SCUBE2: variants seen among roughly 807,000 people sequenced by gnomAD.
SCUBE2 encodes signal peptide, CUB and EGF-like domain-containing protein 2.
SCUBE2 carries 114 observed loss-of-function variants against 125.9 expected under a neutral mutation model. The observed-to-expected ratio is 0.91, with a 90% CI of 0.78 to 1.06. The LOEUF (loss-of-function observed/expected upper bound fraction) is 1.06, where lower values mean the gene tolerates loss of function less well. Ranked by LOEUF, SCUBE2 falls within the 50% of genes least tolerant of loss-of-function variation. The probability of loss-of-function intolerance (pLI) is 0.00; values close to 1 mark genes in which losing one functional copy is unlikely to be tolerated. For missense variants in SCUBE2, 1,255 were observed against 1,301.8 expected, an observed-to-expected ratio of 0.96 and a Z score of 0.55; for synonymous variants, 459 against 492.9, an observed-to-expected ratio of 0.93 and a Z score of 0.91.
In SCUBE2 at chr11:9,066,701, G is replaced by T; in HGVS notation, c.756C>A (p.Cys252Ter). 6.2e-7 allele frequency: 1 copy of T among 1,613,754 alleles called. No individual in the cohort carries two copies. The highest frequency in any genetic ancestry group is 8.5e-7 in the Non-Finnish European group (1 of 1,179,688). The change falls in exon 6 of 23, where the codon TGC becomes TGA. Residue 252 changes from cysteine (C) to a stop codon, truncating the protein, a stop_gained. Transcript: ENST00000649792. LOFTEE classifies it high-confidence loss of function. ...AGTGTTGGGGTTGCCACTCACCAAGGCAGCTCCTCCCATCTGTGTGCATCT... is the reference window on the plus strand; with the variant it reads ...AGTGTTGGGGTTGCCACTCACCAAGTCAGCTCCTCCCATCTGTGTGCATCT... ...QYKMHTDGRS[C>*]LEREDTVLEV...
At chr11:9,064,045 C>T (rs1187491708) in intron 7 of SCUBE2, among the ~76,000 whole-genome samples, 4 of 151,938 alleles carry the variant, frequency 2.6e-5, no homozygotes, top group African/African-American at 4.8e-5. Flanking sequence ...TGTGAGACAA[C>T]AATATTAAGG....
chr11:9,074,724 C>T, intron 3 of SCUBE2, 109 bp from the exon 4 acceptor site: 1 of 1,255,674 alleles, frequency 8.0e-7, no homozygotes. Flanking sequence ...TCTTCACGTC[C>T]CTGCACCACA....
At chr11:9,068,449 T>A (rs1425007143) in intron 5 of SCUBE2, among the ~76,000 whole-genome samples, 1 of 152,074 alleles carries the variant, frequency 6.6e-6, no homozygotes, top group Non-Finnish European at 1.5e-5. Flanking sequence ...AGGGGAGGAC[T>A]GAGAGGAAAA....
At chr11:9,050,407 A>G (rs373825238) in intron 14 of SCUBE2, 199 bp downstream of exon 14, 2 of 578,664 alleles carry the variant, frequency 3.5e-6, no homozygotes, top group East Asian at 2.9e-5. Flanking sequence ...GTGTGACCCC[A>G]GAACTATACA....
chr11:9,081,845 C>G (rs1417847237), intron 2 of SCUBE2, among the ~76,000 whole-genome samples: 2 of 152,210 alleles, frequency 1.3e-5, no homozygotes, highest in Non-Finnish European at 2.9e-5. Flanking sequence ...TGGGTATACA[C>G]CCAGAAGTGG....
intron 8 of SCUBE2, 30 bp downstream of exon 8, chr11:9,060,378 A>G: frequency 6.4e-7 from 1 of 1,553,096 alleles, no homozygotes; most frequent in Non-Finnish European, 8.9e-7. Flanking sequence ...ATAACAGGGC[A>G]CCCAGTCTCC....
At chr11:9,048,691 G>A (rs1566196154) in intron 14 of SCUBE2, among the ~76,000 whole-genome samples, 1 of 152,184 alleles carries the variant, frequency 6.6e-6, no homozygotes, top group Non-Finnish European at 1.5e-5. Flanking sequence ...GATGAGAGTG[G>A]AAGTGTTGCA....
At chr11:9,051,827 C>T (rs982831943) in intron 13 of SCUBE2, among the ~76,000 whole-genome samples, 1 of 152,200 alleles carries the variant, frequency 6.6e-6, no homozygotes, top group African/African-American at 2.4e-5. Context: ...TTTGCTTGCC[C>T]CACCTTGGGG....
chr11:9,054,715 ATATATATATATT>A (rs1858853451), intron 10 of SCUBE2, among the ~76,000 whole-genome samples: 1 of 67,594 alleles, frequency 1.5e-5, no homozygotes, highest in African/African-American at 6.1e-5. Flanking sequence ...ATATATATAT[ATATATATATATT>A]TTTTTTTTTT....
At chr11:9,030,127 G>C in intron 18 of SCUBE2, 82 bp from the exon 19 acceptor site, 7 of 1,482,798 alleles carry the variant, frequency 4.7e-6, no homozygotes, top group Non-Finnish European at 6.4e-6. Context: ...TTTAAAGTTT[G>C]TGAAAGAAAT....
At chr11:9,028,504 A>C (rs1457089320) in intron 19 of SCUBE2, among the ~76,000 whole-genome samples, 1 of 152,156 alleles carries the variant, frequency 6.6e-6, no homozygotes, top group Non-Finnish European at 1.5e-5. Context: ...TTCATCCCAG[A>C]AGTGTCACCC....
At chr11:9,035,610 A>C (rs1856687732) in intron 16 of SCUBE2, among the ~76,000 whole-genome samples, 1 of 152,144 alleles carries the variant, frequency 6.6e-6, no homozygotes, top group South Asian at 2.1e-4. Flanking sequence ...TTTTCATCCT[A>C]TTCTACAAAT....
intron 2 of SCUBE2, among the ~76,000 whole-genome samples, chr11:9,084,842 ATCC>A (rs1590163989): frequency 6.6e-6 from 1 of 152,320 alleles, no homozygotes; most frequent in East Asian, 1.9e-4. Context: ...GGCTCAAGTG[ATCC>A]TCCTGCCTCA....
intron 4 of SCUBE2, among the ~76,000 whole-genome samples, chr11:9,072,733 C>G (rs1386663727): frequency 6.6e-6 from 1 of 152,202 alleles, no homozygotes; most frequent in Non-Finnish European, 1.5e-5. Context: ...CACTTCCAGA[C>G]CACAACGCAA....
intron 7 of SCUBE2, among the ~76,000 whole-genome samples, chr11:9,061,226 A>AT (rs1252178789): frequency 6.6e-6 from 1 of 151,046 alleles, no homozygotes; most frequent in Non-Finnish European, 1.5e-5. Context: ...CAGAAACATG[A>AT]TTTTTCTACC....
At position 9,019,901 on chromosome 11, in the gene SCUBE2, A is replaced by AAAT. The variant is rs1264388307; in HGVS notation, c.*1141_*1143dup. ...ATGTTTAAAGATTCAATAACACTGA[A>AAAT]AATTCAAGTTCAAGAAATGATCGTG... On this transcript the variant is annotated 3_prime_UTR_variant, in exon 23 of 23. Coordinates refer to ENST00000649792, the MANE Select transcript of SCUBE2 (RefSeq NM_001367977.2). Among the ~76,000 whole-genome samples the AAAT allele has an allele frequency of 2.6e-5, 4 of 152,210 alleles. No individual in the cohort carries two copies. The highest frequency in any genetic ancestry group is 5.9e-5 in the Non-Finnish European group (4 of 68,034).
intron 10 of SCUBE2, among the ~76,000 whole-genome samples, chr11:9,054,500 A>T (rs1858794121): frequency 6.6e-6 from 1 of 151,802 alleles, no homozygotes; most frequent in South Asian, 2.1e-4. Context: ...AGAGAAAGGG[A>T]AGTGACTACA....
chr11:9,081,029 A>G (rs888606610), intron 2 of SCUBE2, among the ~76,000 whole-genome samples: 1 of 152,240 alleles, frequency 6.6e-6, no homozygotes, highest in African/African-American at 2.4e-5. Context: ...TGCAAATTAA[A>G]ACCACAATGA....
At chr11:9,089,917 C>A in intron 1 of SCUBE2, 88 bp from the exon 2 acceptor site, 5 of 1,501,012 alleles carry the variant, frequency 3.3e-6, no homozygotes, top group Non-Finnish European at 4.5e-6. Flanking sequence ...TCCTCACCAG[C>A]CCACCCCGCT....
Sources: gnomAD v4.1 joint callset for allele counts (sites outside exome capture counted in the v4.1 genomes callset) on GRCh38, gnomAD v4.1.1 for gene constraint, MANE v1.5 for transcripts, NCBI Gene and HGNC (gene_info 2026-07-23, HGNC 2026-07-21) for gene names.